Variants in CBR4 observed in about 807,000 individuals in gnomAD.
CBR4 encodes 3-oxoacyl-[acyl-carrier-protein] reductase.
Under a neutral mutation model 21.0 loss-of-function variants are expected in CBR4, and 22 were observed. The observed-to-expected ratio is 1.05, with a 90% CI of 0.75 to 1.50. CBR4 has a LOEUF of 1.50. CBR4 is among the 40% of genes most tolerant of loss of function. The pLI, the probability that CBR4 is intolerant of heterozygous loss-of-function variation, is 0.00. For synonymous variants in CBR4, 100 were observed against 104.4 expected, an observed-to-expected ratio of 0.96 and a Z score of 0.26; for missense variants, 302 against 286.3, an observed-to-expected ratio of 1.05 and a Z score of -0.40.
In CBR4 at chr4:168,938,473, T is replaced by C. The variant is rs190950630; in HGVS notation, n.170-43708A>G. ...AGAAATAACTAAGATCAGAGCAGAA[T>C]TGAAGGAGATAGAGACACGAAAAAT... On this transcript the variant is annotated intron_variant and non_coding_transcript_variant, in intron 2 of 3. Transcript: ENST00000509108. Among the ~76,000 whole-genome samples, 1,254 of 152,044 alleles carry C rather than the reference T, an allele frequency of 8.2e-3. 9 individuals are homozygous for C. Among genetic ancestry groups the C allele is most frequent in the Non-Finnish European group, 0.012 (805 of 67,946 alleles).
chr4:168,977,632 C>T (rs1211550175), intron 2 of CBR4, among the ~76,000 whole-genome samples: 1 of 152,170 alleles, frequency 6.6e-6, no homozygotes, highest in Non-Finnish European at 1.5e-5. Flanking sequence ...GCCCGGATTT[C>T]CCCTCTGAGT....
chr4:169,004,069 C>T (rs1276000082), intron 3 of CBR4, among the ~76,000 whole-genome samples: 4 of 151,560 alleles, frequency 2.6e-5, no homozygotes, highest in Non-Finnish European at 4.4e-5. Context: ...ACATTGTGCA[C>T]GGTACCCTAA....
chr4:168,990,034 T>C lies in CBR4; in HGVS notation c.*116A>G. ...ATTTTTATAAAGACAGAAATTAACA[T>C]TTGTAGCATCAGCAGGTTTGATTAG... On this transcript the variant is annotated 3_prime_UTR_variant, in exon 5 of 5. Transcript: ENST00000306193. 3.0e-6 allele frequency: 4 copies of C among 1,318,986 alleles called. No individual in the cohort carries two copies. Among genetic ancestry groups the C allele is most frequent in the Non-Finnish European group, 3.9e-6 (4 of 1,027,052 alleles). 81.7% of individuals were successfully genotyped at this position (1,318,986 alleles called of 1,614,324 possible).
chr4:168,894,752 TC>T lies in CBR4; in HGVS notation n.182del, dbSNP rs1325013094. The T allele has an allele frequency of 3.0e-5, 47 of 1,562,420 alleles. No individual in the cohort carries two copies. In the Middle Eastern group the frequency reaches 3.3e-3, roughly 111 times the overall value. On this transcript the variant is annotated non_coding_transcript_exon_variant, in exon 3 of 4. Transcript: ENST00000509108. ...TTTCCATCTTCCTTATGGATACTGT[TC>T]TTGGGATGAGTTCTGTGGAAAGTAG... is the stretch of plus-strand genomic sequence containing the variant.
At chr4:168,962,395 G>A (rs1008197975) in intron 2 of CBR4, among the ~76,000 whole-genome samples, 4 of 152,192 alleles carry the variant, frequency 2.6e-5, no homozygotes, top group African/African-American at 7.2e-5. Context: ...AGGATGGAAG[G>A]GGTTAGAAGA....
intron 2 of CBR4, among the ~76,000 whole-genome samples, chr4:168,911,048 T>C (rs566793998): frequency 6.6e-6 from 1 of 152,306 alleles, no homozygotes; most frequent in African/African-American, 2.4e-5. Flanking sequence ...ATAATGATAA[T>C]TTATGATGTC....
intron 2 of CBR4, among the ~76,000 whole-genome samples, chr4:168,956,617 A>C (rs908009716): frequency 6.6e-6 from 1 of 151,014 alleles, no homozygotes; most frequent in African/African-American, 2.4e-5. Context: ...AAAAAAAAAA[A>C]AAAAAAAAAA....
At chr4:168,942,292 T>C (rs1763286279) in intron 2 of CBR4, among the ~76,000 whole-genome samples, 1 of 151,964 alleles carries the variant, frequency 6.6e-6, no homozygotes, top group South Asian at 2.1e-4. Flanking sequence ...ATGAGGGGCT[T>C]AAAACCTAGA....
chr4:168,942,713 G>A (rs1763296913), intron 2 of CBR4, among the ~76,000 whole-genome samples: 1 of 152,100 alleles, frequency 6.6e-6, no homozygotes, highest in African/African-American at 2.4e-5. Context: ...GAAAATATCT[G>A]CAAACTCTTC....
intron 2 of CBR4, among the ~76,000 whole-genome samples, chr4:168,974,895 T>C (rs1417815283): frequency 6.6e-6 from 1 of 152,214 alleles, no homozygotes; most frequent in Non-Finnish European, 1.5e-5. Context: ...TTTGAATTCT[T>C]TTTCTGGCAA....
At chr4:168,956,798 C>T (rs1397029688) in intron 2 of CBR4, among the ~76,000 whole-genome samples, 1 of 152,036 alleles carries the variant, frequency 6.6e-6, no homozygotes, top group Non-Finnish European at 1.5e-5. Context: ...CGATTAGTTA[C>T]AGAACTGGAA....
chr4:168,907,399 G>C (rs767685061), intron 2 of CBR4, among the ~76,000 whole-genome samples: 9 of 152,130 alleles, frequency 5.9e-5, no homozygotes, highest in Non-Finnish European at 1.5e-5. Context: ...TTGTTGCTGT[G>C]TGGTCTTCTG....
At chr4:168,968,339 T>C (rs1764105751) in intron 2 of CBR4, among the ~76,000 whole-genome samples, 1 of 152,198 alleles carries the variant, frequency 6.6e-6, no homozygotes, top group Non-Finnish European at 1.5e-5. Context: ...CTATCATCAG[T>C]AGAGTGGATC....
intron 2 of CBR4, among the ~76,000 whole-genome samples, chr4:168,947,664 A>G (rs1007470314): frequency 3.3e-5 from 5 of 152,124 alleles, no homozygotes; most frequent in South Asian, 2.1e-4. Context: ...GAGTTACTTC[A>G]TTTAGTATAA....
chr4:168,917,574 A>C (rs923647533), intron 2 of CBR4, among the ~76,000 whole-genome samples: 2 of 152,226 alleles, frequency 1.3e-5, no homozygotes, highest in African/African-American at 2.4e-5. Context: ...AAATATGGAT[A>C]AGGTTTTAAA....
At chr4:168,926,857 A>AAAG (rs368730052) in intron 2 of CBR4, 6 of 221,004 alleles carry the variant, frequency 2.7e-5, no homozygotes, top group Non-Finnish European at 5.4e-5. Context: ...TGTAAGGATG[A>AAAG]AAGAAGAAGA....
At position 168,942,818 on chromosome 4, in the gene CBR4, C is replaced by T. The variant is rs56793220; in HGVS notation, n.170-48053G>A. ...TTAAAAAATAGGCAAGGGATCTGAA[C>T]GGATATTTCACAAAAGAAGACATAG... is the stretch of plus-strand genomic sequence containing the variant. On this transcript the variant is annotated intron_variant and non_coding_transcript_variant, in intron 2 of 3. Coordinates refer to the CBR4 transcript ENST00000509108. 2.7e-3 allele frequency among the ~76,000 whole-genome samples: 406 copies of T among 152,002 alleles called. 1 individual carries two copies. Among genetic ancestry groups the T allele is most frequent in the African/African-American group, 9.4e-3 (388 of 41,470 alleles).
intron 2 of CBR4, among the ~76,000 whole-genome samples, chr4:168,935,728 C>G (rs189654507): frequency 6.6e-6 from 1 of 152,220 alleles, no homozygotes; most frequent in African/African-American, 2.4e-5. Flanking sequence ...CCTCTCTGGG[C>G]AGGGAATCTC....
intron 2 of CBR4, chr4:168,904,136 G>A: frequency 1.9e-6 from 1 of 530,500 alleles, no homozygotes; most frequent in Non-Finnish European, 3.4e-6. Flanking sequence ...ATATTATTAA[G>A]GGTCTAATAT....
Sources: gnomAD v4.1 joint callset for allele counts (sites outside exome capture counted in the v4.1 genomes callset) on GRCh38, gnomAD v4.1.1 for gene constraint, MANE v1.5 for transcripts, NCBI Gene and HGNC (gene_info 2026-07-23, HGNC 2026-07-21) for gene names.